Variants in HMCN1 observed in about 807,000 individuals in gnomAD.
HMCN1 encodes hemicentin 1.
HMCN1 carries 321 observed loss-of-function variants against 625.9 expected under a neutral mutation model. That is an observed-to-expected ratio of 0.51 (90% CI 0.47 to 0.56). HMCN1 has a LOEUF of 0.56. HMCN1 is among the 20% of genes least tolerant of loss of function. HMCN1 has a pLI of 0.00. For synonymous variants in HMCN1, 2,425 were observed against 2,417.6 expected (o/e 1.00, Z -0.09); for missense variants, 6,588 against 6,887.3 (o/e 0.96, Z 1.54).
intron 20 of HMCN1, among the ~76,000 whole-genome samples, chr1:185,987,987 G>A (rs931283894): frequency 2.0e-5 from 3 of 152,150 alleles, no homozygotes; most frequent in Admixed American, 2.0e-4. Context: ...GGTAAAAAAG[G>A]AACTGCTATG....
intron 1 of HMCN1, among the ~76,000 whole-genome samples, chr1:185,811,552 C>A (rs946303958): frequency 1.3e-5 from 2 of 151,992 alleles, no homozygotes; most frequent in Admixed American, 1.3e-4. Context: ...CACACCACTG[C>A]ACCACTGTGC....
chr1:186,172,151 C>G lies in HMCN1; in HGVS notation c.15814+20C>G. 6.2e-7 allele frequency: 1 copy of G among 1,612,976 alleles called. No individual in the cohort carries two copies. Among genetic ancestry groups the G allele is most frequent in the Non-Finnish European group, 8.5e-7 (1 of 1,179,250 alleles). On this transcript the variant is annotated intron_variant, in intron 102 of 106. Coordinates refer to ENST00000271588, the MANE Select transcript of HMCN1 (RefSeq NM_031935.3). ...GTATTGGTGAGTGTCTGGCTGTTTCCGTGACTGAGATCAGTTTGCCGTCAA... is the reference window on the plus strand; with the variant it reads ...GTATTGGTGAGTGTCTGGCTGTTTCGGTGACTGAGATCAGTTTGCCGTCAA...
chr1:186,082,933 C>A lies in HMCN1; in HGVS notation c.8856C>A (p.Ala2952=). 6.3e-7 allele frequency: 1 copy of A among 1,592,344 alleles called. No homozygotes were observed. ...TTGCTGAGAACACAGCTGGGAGTGCCAAAAAATATTTTAACCTCAATGTTC... is the reference window on the plus strand; with the variant it reads ...TTGCTGAGAACACAGCTGGGAGTGCAAAAAAATATTTTAACCTCAATGTTC... The part of the protein sequence containing the change: ...VCVAENTAGS[A]KKYFNLNVHV... The change falls in exon 57 of 107, where the codon GCC becomes GCA. Residue 2952 remains alanine, a synonymous_variant. Coordinates refer to ENST00000271588, the MANE Select transcript of HMCN1 (RefSeq NM_031935.3).
chr1:185,761,568 C>A (rs538096235), intron 1 of HMCN1, among the ~76,000 whole-genome samples: 22 of 152,080 alleles, frequency 1.4e-4, no homozygotes, highest in Non-Finnish European at 2.4e-4. Context: ...ATTAATTTCA[C>A]CATCAAAGAG....
chr1:185,975,141 A>AT (rs1378022606), intron 15 of HMCN1, among the ~76,000 whole-genome samples: 1 of 152,070 alleles, frequency 6.6e-6, no homozygotes, highest in East Asian at 1.9e-4. Context: ...CTTAACTTCC[A>AT]TTTTTCAGAA....
At chr1:186,007,573 G>A (rs771869075) in intron 30 of HMCN1, among the ~76,000 whole-genome samples, 2 of 152,102 alleles carry the variant, frequency 1.3e-5, no homozygotes, top group Non-Finnish European at 2.9e-5. Context: ...CAAACCAAAT[G>A]TCTGTATCTT....
chr1:186,168,209 CAAG>C (rs990939810), intron 100 of HMCN1, among the ~76,000 whole-genome samples: 23 of 147,714 alleles, frequency 1.6e-4, no homozygotes, highest in African/African-American at 5.8e-4. Flanking sequence ...CTTTGGTGGG[CAAG>C]AAAGGTAAAA....
At chr1:186,172,512 T>C (rs1558280502) in intron 102 of HMCN1, among the ~76,000 whole-genome samples, 1 of 152,216 alleles carries the variant, frequency 6.6e-6, no homozygotes, top group Non-Finnish European at 1.5e-5. Flanking sequence ...TATAATTATT[T>C]TGGAGATGTA....
intron 1 of HMCN1, among the ~76,000 whole-genome samples, chr1:185,759,133 G>A (rs1017096668): frequency 3.3e-5 from 5 of 152,150 alleles, no homozygotes; most frequent in Admixed American, 1.3e-4. Context: ...GCTGGAACCT[G>A]TTTTTTGTGC....
At chr1:185,959,578 T>C (rs767371035) in intron 11 of HMCN1, among the ~76,000 whole-genome samples, 1 of 152,164 alleles carries the variant, frequency 6.6e-6, no homozygotes, top group Non-Finnish European at 1.5e-5. Flanking sequence ...GAGTGCTGTG[T>C]TCCCATTGCT....
chr1:186,154,001 A>C lies in HMCN1; in HGVS notation c.15256+14A>C, dbSNP rs1178225557. 6.3e-7 allele frequency: 1 copy of C among 1,596,160 alleles called. No homozygotes were observed. The highest frequency in any genetic ancestry group is 1.7e-5 in the Admixed American group (1 of 59,988). On this transcript the variant is annotated intron_variant, in intron 97 of 106. Coordinates refer to ENST00000271588, the MANE Select transcript of HMCN1 (RefSeq NM_031935.3). ...CAATATCCAAAGGTAATTTGATAAA[A>C]GAAAATCCATATCTTTATGCCATCC...
intron 71 of HMCN1, among the ~76,000 whole-genome samples, chr1:186,110,034 C>T (rs1010546505): frequency 6.6e-6 from 1 of 152,038 alleles, no homozygotes; most frequent in Non-Finnish European, 1.5e-5. Flanking sequence ...GGTAAGTTCA[C>T]TTGTGATGAA....
At chr1:186,096,931 C>CTGTGGATTT in intron 68 of HMCN1, among the ~76,000 whole-genome samples, 1 of 152,270 alleles carries the variant, frequency 6.6e-6, no homozygotes, top group South Asian at 2.1e-4. Context: ...CCACAGCTAA[C>CTGTGGATTT]ATCACACTAA....
At chr1:185,991,154 CAA>C (rs762934460) in intron 22 of HMCN1, among the ~76,000 whole-genome samples, 1 of 152,040 alleles carries the variant, frequency 6.6e-6, no homozygotes, top group Non-Finnish European at 1.5e-5. Flanking sequence ...AACATCAAGG[CAA>C]AAGTTACTGG....
At chr1:185,980,901 G>C (rs1651583772) in intron 16 of HMCN1, 77 bp from the exon 17 acceptor site, 1 of 907,144 alleles carries the variant, frequency 1.1e-6, no homozygotes, top group East Asian at 2.4e-5. Context: ...TCCATGCACA[G>C]ATCTCAGCAC....
In HMCN1 at chr1:186,146,811, C is replaced by T. The variant is rs958041222; in HGVS notation, c.14608+888C>T. 1.5e-4 allele frequency among the ~76,000 whole-genome samples: 23 copies of T among 152,192 alleles called. 2 individuals are homozygous for T. Among genetic ancestry groups the T allele is most frequent in the Admixed American group, 1.5e-3 (23 of 15,290 alleles). On this transcript the variant is annotated intron_variant, in intron 93 of 106. Transcript: ENST00000271588. The stretch of plus-strand genomic sequence containing the variant: ...AGCTCAGCCTCTGGTAGTAGCAGGG[C>T]CCCAGTGGCATCAGGAGGTCCAAAT...
At chr1:185,735,925 C>T (rs1571920061) in intron 1 of HMCN1, among the ~76,000 whole-genome samples, 1 of 152,316 alleles carries the variant, frequency 6.6e-6, no homozygotes, top group East Asian at 1.9e-4. Flanking sequence ...CAAGTTGCTG[C>T]CCAGTTGAAG....
rs780279948 is a variant in HMCN1, at chr1:185,963,788, G to A, written c.1991G>A (p.Gly664Asp). 5.6e-5 allele frequency: 90 copies of A among 1,607,010 alleles called. No individual in the cohort carries two copies. Among genetic ancestry groups the A allele is most frequent in the Non-Finnish European group, 7.0e-5 (82 of 1,174,178 alleles). ...GSHRYRMTSD[G>D]TLFIKNAAPK... ...CATAGGTATAGGATGACCTCAGATG[G>A]TACCTTATTTATCAAAAATGCAGCT... The change falls in exon 13 of 107, where the codon GGT (glycine) becomes GAT (aspartate). Residue 664 changes from glycine (G) to aspartate (D), a missense_variant. Gly to Asp is a moderately conservative substitution (Grantham distance 94, BLOSUM62 -1). Around this residue, in one of 3 missense-constraint regions of HMCN1, gnomAD observed 4,628 missense variants for 4,853.1 expected, o/e 0.95. Coordinates refer to ENST00000271588, the MANE Select transcript of HMCN1 (RefSeq NM_031935.3).
chr1:185,962,706 T>A (rs1650115629), intron 12 of HMCN1, 47 bp downstream of exon 12: 2 of 1,112,464 alleles, frequency 1.8e-6, no homozygotes, highest in Non-Finnish European at 2.8e-6. Context: ...TGAGAAAAAT[T>A]GATGAGACTT....
Sources: gnomAD v4.1 joint callset for allele counts (sites outside exome capture counted in the v4.1 genomes callset) on GRCh38, gnomAD v4.1.1 for gene constraint, gnomAD v4.1.1 regional missense constraint, MANE v1.5 for transcripts, NCBI Gene and HGNC (gene_info 2026-07-23, HGNC 2026-07-21) for gene names.